The following ABHD12 variants were observed in gnomAD, a reference collection of about 807,000 sequenced individuals.
ABHD12 encodes the protein abhydrolase domain containing 12, lysophospholipase, also known as lysophosphatidylserine lipase ABHD12.
A neutral mutation model predicts 58.3 loss-of-function variants in ABHD12; 43 were observed. The observed-to-expected ratio is 0.74, with a 90% confidence interval of 0.58 to 0.95. The LOEUF is 0.95. Ranked by LOEUF, ABHD12 falls within the 40% of genes least tolerant of loss-of-function variation. The pLI, the probability that ABHD12 is intolerant of heterozygous loss-of-function variation, is 0.00. For synonymous variants in ABHD12, 219 were observed against 211.2 expected (o/e 1.04, Z -0.32); for missense variants, 539 against 537.2 (o/e 1.00, Z -0.03).
At chr20:25,339,148 G>T in intron 2 of ABHD12, 79 bp downstream of exon 2, 1 of 1,587,220 alleles carries the variant, frequency 6.3e-7, no homozygotes, top group Middle Eastern at 1.7e-4. Context: ...AAAGTAAAAA[G>T]ACTACCCCTA....
At chr20:25,328,063 C>T (rs988581800) in intron 2 of ABHD12, among the ~76,000 whole-genome samples, 49 of 150,078 alleles carry the variant, frequency 3.3e-4, no homozygotes, top group Admixed American at 8.0e-4. Flanking sequence ...CTGAATGCTA[C>T]GGGAGAGTGA....
At position 25,361,349 on chromosome 20, in the gene ABHD12, T is replaced by C. The variant is rs185428015; in HGVS notation, c.192-21998A>G. ...ACTGTATCTTTCCACTTAAATATTA[T>C]GTCTCTCAGTAAAGTTTAATGATTT... is the stretch of plus-strand genomic sequence containing the variant. On this transcript the variant is annotated intron_variant, in intron 1 of 12. Transcript: ENST00000339157. Among the ~76,000 whole-genome samples, 1,107 of 152,368 alleles carry C rather than the reference T, an allele frequency of 7.3e-3. 8 individuals carry two copies. Among genetic ancestry groups the C allele is most frequent in the Non-Finnish European group, 0.011 (781 of 68,036 alleles).
At chr20:25,304,250 A>G (rs1237513651) in intron 10 of ABHD12, among the ~76,000 whole-genome samples, 1 of 152,274 alleles carries the variant, frequency 6.6e-6, no homozygotes, top group Non-Finnish European at 1.5e-5. Context: ...CACCTGGAGC[A>G]GGACCCGGTG....
chr20:25,344,378 T>C (rs981143800), intron 1 of ABHD12, among the ~76,000 whole-genome samples: 3 of 152,214 alleles, frequency 2.0e-5, no homozygotes, highest in African/African-American at 7.2e-5. Context: ...CATAAGCCAA[T>C]AGTTTTCATA....
chr20:25,331,574 A>G (rs1008104466), intron 2 of ABHD12, among the ~76,000 whole-genome samples: 1 of 152,186 alleles, frequency 6.6e-6, no homozygotes, highest in Admixed American at 6.5e-5. Flanking sequence ...GGTTACCCTC[A>G]AAGGGAAGCC....
intron 10 of ABHD12, 33 bp downstream of exon 10, chr20:25,306,800 T>C (rs777273798): frequency 2.0e-6 from 3 of 1,493,990 alleles, no homozygotes; most frequent in African/African-American, 2.8e-5. Flanking sequence ...TTTTTCTAAA[T>C]AGGAAAATTA....
intron 2 of ABHD12, 150 bp downstream of exon 2, chr20:25,339,077 G>A: frequency 7.0e-7 from 1 of 1,427,040 alleles, no homozygotes; most frequent in South Asian, 1.4e-5. Flanking sequence ...TAAAGATATA[G>A]GTATATAAAC....
At chr20:25,384,977 GTATATA>G (rs1161852787) in intron 1 of ABHD12, among the ~76,000 whole-genome samples, 1 of 152,120 alleles carries the variant, frequency 6.6e-6, no homozygotes, top group Admixed American at 6.5e-5. Flanking sequence ...ATGTGTGTGT[GTATATA>G]TATTTCCCCA....
chr20:25,300,645 C>CAA lies in ABHD12; in HGVS notation c.*199_*200insTT. ...CCACATGCCTGCCACCCACGCTTTC[C>CAA]ACACAGCCATGCTCAGGCCTCCGGG... On this transcript the variant is annotated 3_prime_UTR_variant, in exon 13 of 13. Coordinates refer to ENST00000339157, the MANE Select transcript of ABHD12 (RefSeq NM_001042472.3). 1 of 1,468,046 alleles carries CAA rather than the reference C, an allele frequency of 6.8e-7. No individual in the cohort carries two copies. Among genetic ancestry groups the CAA allele is most frequent in the Non-Finnish European group, 9.0e-7 (1 of 1,114,276 alleles). 90.9% of individuals were successfully genotyped at this position (1,468,046 alleles called of 1,614,324 possible). A position where few individuals can be genotyped will look rare whatever the true frequency, so the allele number is the denominator to read the frequency against.
chr20:25,297,192 G>GGACA (rs1176715242), downstream of ABHD12: 1 of 152,570 alleles, frequency 6.6e-6, no homozygotes, highest in Non-Finnish European at 1.5e-5. Context: ...TGACTGAGGG[G>GGACA]GACACTGGAG....
intron 4 of ABHD12, among the ~76,000 whole-genome samples, chr20:25,319,485 C>A (rs1426694924): frequency 6.6e-6 from 1 of 152,204 alleles, no homozygotes; most frequent in Non-Finnish European, 1.5e-5. Flanking sequence ...CTCCCTCCTG[C>A]CCCTTCTCAG....
chr20:25,303,351 C>T, intron 11 of ABHD12, 199 bp downstream of exon 11: 1 of 1,476,614 alleles, frequency 6.8e-7, no homozygotes, highest in African/African-American at 1.4e-5. Context: ...TTACACCAGA[C>T]CTCCCATGTC....
chr20:25,370,243 G>A lies in ABHD12; in HGVS notation c.191+20270C>T, dbSNP rs1241997195. 3.3e-5 allele frequency among the ~76,000 whole-genome samples: 5 copies of A among 152,252 alleles called. No individual in the cohort carries two copies. In the South Asian group the frequency reaches 1.0e-3, roughly 32 times the overall value. The stretch of plus-strand genomic sequence containing the variant: ...CTGGGGTACACAGGTCTCCCTGGAG[G>A]TCTTGCTTCCCTACTCCCTCAGCTG... On this transcript the variant is annotated intron_variant, in intron 1 of 12. Transcript: ENST00000339157.
rs2088813213 is a variant in ABHD12, at chr20:25,309,683, C to T, written c.620-108G>A. The T allele has an allele frequency of 4.6e-6, 7 of 1,526,454 alleles. No homozygotes were observed. In the African/African-American group the frequency reaches 5.5e-5, roughly 12 times the overall value. The allele number at this position is 1,526,454 out of a possible 1,614,324, so 94.6% of individuals were successfully genotyped here. On this transcript the variant is annotated intron_variant, in intron 6 of 12. Coordinates refer to ENST00000339157, the MANE Select transcript of ABHD12 (RefSeq NM_001042472.3). Reference sequence around the variant, plus strand: ...GGCCAGGAGGAGACAGGGAGGGGCCCGCTTGGCCCACCCTTCCAGAGTCCA... The same window carrying T: ...GGCCAGGAGGAGACAGGGAGGGGCCTGCTTGGCCCACCCTTCCAGAGTCCA...
At chr20:25,331,659 T>C (rs1199700595) in intron 2 of ABHD12, among the ~76,000 whole-genome samples, 1 of 152,028 alleles carries the variant, frequency 6.6e-6, no homozygotes, top group African/African-American at 2.4e-5. Context: ...TTCAACATTC[T>C]TAAAGAAAAG....
intron 6 of ABHD12, among the ~76,000 whole-genome samples, chr20:25,311,116 G>C (rs924294810): frequency 6.6e-6 from 1 of 152,200 alleles, no homozygotes; most frequent in Admixed American, 6.6e-5. Flanking sequence ...TGGCAGCATG[G>C]TGGCCCCCAA....
At chr20:25,303,764 G>C (rs1242601839) in intron 10 of ABHD12, 136 bp from the exon 11 acceptor site, 3 of 1,256,166 alleles carry the variant, frequency 2.4e-6, no homozygotes, top group Non-Finnish European at 3.4e-6. Flanking sequence ...CTTTTTACTA[G>C]ACAACTGAAA....
chr20:25,296,855 T>C (rs201699404), downstream of ABHD12: 11 of 296,938 alleles, frequency 3.7e-5, no homozygotes, highest in South Asian at 4.2e-5. Flanking sequence ...CATCTTGCTA[T>C]GTATTAGCCG....
At chr20:25,296,381 G>A, downstream of ABHD12, 2 of 1,614,096 alleles carry the variant, frequency 1.2e-6, no homozygotes, top group Non-Finnish European at 1.7e-6. Context: ...ACCCCAAGGA[G>A]TGGACCAAGA....
Sources: allele counts gnomAD v4.1 joint callset (sites outside exome capture counted in the v4.1 genomes callset), GRCh38; gene constraint gnomAD v4.1.1; transcripts MANE v1.5; gene names NCBI Gene and HGNC (gene_info 2026-07-23, HGNC 2026-07-21).